Variants in PIP5K1C observed in about 807,000 individuals in gnomAD.
PIP5K1C encodes phosphatidylinositol 4-phosphate 5-kinase type-1 gamma.
In PIP5K1C, 45 loss-of-function variants were observed where a neutral mutation model predicts 80.1. That is an observed-to-expected ratio of 0.56 (90% CI 0.44 to 0.72). The LOEUF is 0.72. Ranked by LOEUF, PIP5K1C falls within the 30% of genes least tolerant of loss-of-function variation. The pLI is 0.00. For synonymous variants in PIP5K1C, 498 were observed against 420.1 expected, an observed-to-expected ratio of 1.19 and a Z score of -2.27; for missense variants, 753 against 954.6, an observed-to-expected ratio of 0.79 and a Z score of 2.78.
At position 3,637,530 on chromosome 19, in the gene PIP5K1C, A is replaced by C; in HGVS notation, c.1920+1354T>G. ...CTCCCCAGGGTGGCCGGCTGCGGTC[A>C]CTTACAGTCCCCGAGGCGCTCAGCG... On this transcript the variant is annotated intron_variant, in intron 16 of 17. Transcript: ENST00000335312. The surrounding 1 kb of genome is among the most constrained non-coding windows in gnomAD (Gnocchi z 7.0). 6.5e-7 allele frequency: 1 copy of C among 1,534,516 alleles called. No individual in the cohort carries two copies. The highest frequency in any genetic ancestry group is 8.7e-7 in the Non-Finnish European group (1 of 1,146,602).
chr19:3,685,557 C>T (rs1441171386), intron 1 of PIP5K1C, among the ~76,000 whole-genome samples: 2 of 151,966 alleles, frequency 1.3e-5, no homozygotes, highest in African/African-American at 2.4e-5. Context: ...GGTGAAACCC[C>T]GTCTCTACTA....
chr19:3,699,371 T>C (rs777305344), intron 1 of PIP5K1C, among the ~76,000 whole-genome samples: 9 of 151,224 alleles, frequency 6.0e-5, no homozygotes, highest in Non-Finnish European at 1.3e-4. Flanking sequence ...ACACTCTCTC[T>C]CTCTCCAGAC....
intron 1 of PIP5K1C, among the ~76,000 whole-genome samples, chr19:3,699,232 G>T (rs1286692447): frequency 6.6e-6 from 1 of 151,552 alleles, no homozygotes; most frequent in Admixed American, 6.6e-5. Flanking sequence ...TGCCCGCAAA[G>T]AAAGGGGCGA....
At chr19:3,651,406 G>C (rs575774589) in intron 8 of PIP5K1C, among the ~76,000 whole-genome samples, 1 of 152,260 alleles carries the variant, frequency 6.6e-6, no homozygotes, top group African/African-American at 2.4e-5. Flanking sequence ...CCTCTGCTTC[G>C]TGGGCTGTGT....
intron 2 of PIP5K1C, 132 bp from the exon 3 acceptor site, chr19:3,665,046 C>A: frequency 1.3e-6 from 1 of 767,048 alleles, no homozygotes; most frequent in Admixed American, 2.0e-5. Flanking sequence ...GGGGCAGGTC[C>A]AGGCGACTCC....
chr19:3,664,310 G>A (rs909197289), intron 3 of PIP5K1C, among the ~76,000 whole-genome samples: 10 of 152,094 alleles, frequency 6.6e-5, no homozygotes, highest in African/African-American at 2.4e-4. Flanking sequence ...CTCTGCATAT[G>A]TACTAAAAGT....
rs1287442085 is a variant in PIP5K1C at position 3,633,507 on chromosome 19, C to T, written c.1934G>A (p.Arg645Lys). The part of the protein sequence containing the change: ...ATDIYFPTDE[R>K]SWVYSPLHYS... Reference sequence around the variant, plus strand: ...GTGGAGCGGGGAGTACACCCAGCTCCTCTCATCGGTGGGCTGGCAGGTGGG... The same window carrying T: ...GTGGAGCGGGGAGTACACCCAGCTCTTCTCATCGGTGGGCTGGCAGGTGGG... The change falls in exon 17 of 18, where the codon AGG becomes AAG. Residue 645 changes from arginine to lysine, a missense_variant. By Grantham distance (26) the Arg-to-Lys change is conservative. This residue lies in a region of PIP5K1C where 315 missense variants were observed against 294.5 expected (regional missense o/e 1.07). Coordinates refer to ENST00000335312, the MANE Select transcript of PIP5K1C (RefSeq NM_012398.3). The T allele has an allele frequency of 1.3e-6, 2 of 1,495,700 alleles. No homozygotes were observed. Among genetic ancestry groups the T allele is most frequent in the African/African-American group, 1.4e-5 (1 of 71,310 alleles). The allele number at this position is 1,495,700 out of a possible 1,614,324, so 92.7% of individuals were successfully genotyped here. A position where few individuals can be genotyped will look rare whatever the true frequency, so the allele number is the denominator to read the frequency against.
At position 3,696,438 on chromosome 19, in the gene PIP5K1C, A is replaced by G. The variant is rs1251969928; in HGVS notation, c.94+3859T>C. ...TATGTTTCAGGTGGTGACAAACGCT[A>G]TGGTGGCACAATCAGGGAAGAGGAA... On this transcript the variant is annotated intron_variant, in intron 1 of 17. Coordinates refer to ENST00000335312, the MANE Select transcript of PIP5K1C (RefSeq NM_012398.3). The surrounding 1 kb of genome is among the most constrained non-coding windows in gnomAD (Gnocchi z 4.1). Among the ~76,000 whole-genome samples, 2 of 152,176 alleles carry G rather than the reference A, an allele frequency of 1.3e-5. No individual in the cohort carries two copies. Among genetic ancestry groups the G allele is most frequent in the Non-Finnish European group, 2.9e-5 (2 of 68,026 alleles).
At chr19:3,636,873 G>T in intron 16 of PIP5K1C, 1 of 994,548 alleles carries the variant, frequency 1.0e-6, no homozygotes, top group Non-Finnish European at 1.2e-6. Context: ...CTTGCTTATT[G>T]GTCATAATGA....
intron 1 of PIP5K1C, among the ~76,000 whole-genome samples, chr19:3,670,720 C>T (rs1458835236): frequency 6.6e-6 from 1 of 152,128 alleles, no homozygotes; most frequent in East Asian, 1.9e-4. Context: ...GCTGAAGGGT[C>T]CTCCCCTCGG....
chr19:3,687,827 C>A (rs1421562418), intron 1 of PIP5K1C, among the ~76,000 whole-genome samples: 1 of 151,640 alleles, frequency 6.6e-6, no homozygotes, highest in Non-Finnish European at 1.5e-5. Flanking sequence ...TCGCTTTCCC[C>A]GCAGCAGGTG....
chr19:3,664,804 T>G lies in PIP5K1C; in HGVS notation c.219+18A>C. 6.2e-7 allele frequency: 1 copy of G among 1,603,418 alleles called. No homozygotes were observed. Among genetic ancestry groups the G allele is most frequent in the South Asian group, 1.1e-5 (1 of 90,882 alleles). On this transcript the variant is annotated intron_variant, in intron 3 of 17. Transcript: ENST00000335312. ...CTCTGTCCCGCTCCCTCCAGCCAGC[T>G]AAGGGGAGCCGAGGAACCTTCTTGT...
rs550952061 is a variant in PIP5K1C, at chr19:3,664,610, C to A, written c.219+212G>T. ...GTTGCAGCCAGGCTGAGCCACAGAACATGCTGCCCGGCCGCCCGGCAAGGA... is the reference window on the plus strand; with the variant it reads ...GTTGCAGCCAGGCTGAGCCACAGAAAATGCTGCCCGGCCGCCCGGCAAGGA... On this transcript the variant is annotated intron_variant, in intron 3 of 17. Transcript: ENST00000335312. Among the ~76,000 whole-genome samples the A allele has an allele frequency of 1.2e-3, 185 of 152,352 alleles. 1 individual carries two copies. Among genetic ancestry groups the A allele is most frequent in the African/African-American group, 4.3e-3 (177 of 41,586 alleles).
At chr19:3,638,071 G>A in intron 16 of PIP5K1C, 1 of 1,446,670 alleles carries the variant, frequency 6.9e-7, no homozygotes, top group Non-Finnish European at 9.1e-7. Context: ...CAGGCCCTAA[G>A]GCCTGGTGCC....
chr19:3,693,265 TGGA>T (rs2145616832), intron 1 of PIP5K1C, among the ~76,000 whole-genome samples: 1 of 152,220 alleles, frequency 6.6e-6, no homozygotes, highest in South Asian at 2.1e-4. Context: ...GGCATTTCAG[TGGA>T]GGAGAGCGGC....
At chr19:3,684,884 C>T (rs534030014) in intron 1 of PIP5K1C, among the ~76,000 whole-genome samples, 61 of 152,304 alleles carry the variant, frequency 4.0e-4, no homozygotes, top group African/African-American at 1.4e-3. Context: ...ACTGTAGACA[C>T]GTCACTCAGC....
intron 1 of PIP5K1C, among the ~76,000 whole-genome samples, chr19:3,668,694 G>T (rs955633780): frequency 6.6e-6 from 1 of 152,202 alleles, no homozygotes; most frequent in Non-Finnish European, 1.5e-5. Flanking sequence ...ACCTGGTCTC[G>T]CCCTCAAGGG....
intron 6 of PIP5K1C, among the ~76,000 whole-genome samples, chr19:3,655,885 TC>T (rs896671507): frequency 7.2e-5 from 11 of 152,008 alleles, no homozygotes; most frequent in African/African-American, 2.2e-4. Flanking sequence ...TACTCCCCCC[TC>T]CCGGGGCCTG....
At chr19:3,655,107 C>CAAAAAAAA (rs545856738) in intron 6 of PIP5K1C, among the ~76,000 whole-genome samples, 1 of 45,872 alleles carries the variant, frequency 2.2e-5, no homozygotes, top group Non-Finnish European at 3.6e-5. Flanking sequence ...GACTCCATCT[C>CAAAAAAAA]AAAAAAAAAA....
Sources: gnomAD v4.1 joint callset for allele counts (sites outside exome capture counted in the v4.1 genomes callset) on GRCh38, gnomAD v4.1.1 for gene constraint, gnomAD v4.1.1 regional missense constraint, Gnocchi (gnomAD v3.1) non-coding constraint, MANE v1.5 for transcripts, NCBI Gene and HGNC (gene_info 2026-07-23, HGNC 2026-07-21) for gene names.